The following VAV3 variants were observed in gnomAD, a reference collection of about 807,000 sequenced individuals.
VAV3 encodes the protein guanine nucleotide exchange factor VAV3.
Under a neutral mutation model 131.2 loss-of-function variants are expected in VAV3, and 94 were observed. The ratio of observed to expected loss-of-function variants is 0.72; its 90% CI spans 0.61 to 0.85. The LOEUF (loss-of-function observed/expected upper bound fraction) is 0.85. Ranked by LOEUF, VAV3 falls within the 40% of genes least tolerant of loss-of-function variation. The pLI is 0.00. For missense variants in VAV3, 939 were observed against 1,002.7 expected (o/e 0.94, Z 0.86); for synonymous variants, 349 against 342.0 (o/e 1.02, Z -0.22).
chr1:107,691,312 T>C lies in VAV3; in HGVS notation c.1706-2906A>G, dbSNP rs1312973118. Among the ~76,000 whole-genome samples, 6 of 152,194 alleles carry C rather than the reference T, an allele frequency of 3.9e-5. No homozygotes were observed. The South Asian group carries it at 1.2e-3, about 32-fold the overall frequency. ...AAACCTTTTTGTATGGAGTATTCTA[T>C]GGAAAAGTTGCTCTAAGTTTTGAAG... On this transcript the variant is annotated intron_variant, in intron 17 of 26. Coordinates refer to ENST00000370056, the MANE Select transcript of VAV3 (RefSeq NM_006113.5).
chr1:107,768,533 A>T, intron 6 of VAV3, 24 bp from the exon 7 acceptor site: 1 of 1,571,766 alleles, frequency 6.4e-7, no homozygotes, highest in Non-Finnish European at 8.7e-7. Context: ...AGAAGAAAAT[A>T]GTAATTAAGT....
At chr1:107,676,380 C>A (rs929633648) in intron 19 of VAV3, among the ~76,000 whole-genome samples, 3 of 152,188 alleles carry the variant, frequency 2.0e-5, no homozygotes, top group African/African-American at 7.2e-5. Flanking sequence ...TCTGAATTAA[C>A]CAGCTGTGGG....
chr1:107,623,341 TA>T (rs1320828907), intron 20 of VAV3, among the ~76,000 whole-genome samples: 2 of 152,208 alleles, frequency 1.3e-5, no homozygotes. Context: ...ATTTTATCTA[TA>T]ATATTGTTTC....
At chr1:107,820,448 G>A (rs945619011) in intron 2 of VAV3, among the ~76,000 whole-genome samples, 1 of 152,124 alleles carries the variant, frequency 6.6e-6, no homozygotes, top group South Asian at 2.1e-4. Flanking sequence ...GTAGAAGAAT[G>A]GTTACTGAGG....
At chr1:107,960,522 T>A (rs1344150198) in intron 1 of VAV3, among the ~76,000 whole-genome samples, 1 of 151,620 alleles carries the variant, frequency 6.6e-6, no homozygotes, top group Non-Finnish European at 1.5e-5. Context: ...CCTCTCCTCA[T>A]CCCTCTGTTG....
At chr1:107,809,088 C>T (rs1667198759) in intron 2 of VAV3, among the ~76,000 whole-genome samples, 1 of 152,188 alleles carries the variant, frequency 6.6e-6, no homozygotes, top group South Asian at 2.1e-4. Flanking sequence ...GCGTCTGCTC[C>T]TTAAGAAGTA....
chr1:107,764,369 T>A (rs962922552), intron 9 of VAV3, among the ~76,000 whole-genome samples: 2 of 152,200 alleles, frequency 1.3e-5, no homozygotes, highest in Non-Finnish European at 2.9e-5. Flanking sequence ...CTGAAGTGGG[T>A]AGATTCAGTC....
At chr1:107,770,605 T>G (rs1664986123) in intron 6 of VAV3, 31 bp downstream of exon 6, 1 of 1,346,520 alleles carries the variant, frequency 7.4e-7, no homozygotes, top group African/African-American at 1.4e-5. Flanking sequence ...AGGCAGTATT[T>G]GGGCATCAAA....
Position 107,653,370 on chromosome 1 carries a change from T to C in VAV3, c.1778-10615A>G, listed in dbSNP as rs193095448. On this transcript the variant is annotated intron_variant, in intron 19 of 26. Transcript: ENST00000370056. The stretch of plus-strand genomic sequence containing the variant: ...ATTCTTCCATAACAAACTTCTGAAA[T>C]AGAACAAGGGAAATGCAGAAGAGTA... Among the ~76,000 whole-genome samples, 4 of 152,020 alleles carry C rather than the reference T, an allele frequency of 2.6e-5. No individual in the cohort carries two copies. In the East Asian group the frequency reaches 7.8e-4, roughly 30 times the overall value.
At chr1:107,621,788 A>C (rs567868422) in intron 20 of VAV3, among the ~76,000 whole-genome samples, 1 of 152,230 alleles carries the variant, frequency 6.6e-6, no homozygotes, top group Non-Finnish European at 1.5e-5. Context: ...GAACATCTTC[A>C]AGGTCAACTT....
At chr1:107,641,478 C>T (rs974833691) in intron 20 of VAV3, among the ~76,000 whole-genome samples, 6 of 152,046 alleles carry the variant, frequency 3.9e-5, no homozygotes, top group Non-Finnish European at 8.8e-5. Flanking sequence ...ACATGAAATT[C>T]GAGAATTTAA....
At chr1:107,688,641 G>A in intron 17 of VAV3, 1 of 1,092,642 alleles carries the variant, frequency 9.2e-7, no homozygotes, top group East Asian at 3.0e-5. Context: ...TCTAGGTTAT[G>A]CTTAACTTTT....
chr1:107,911,345 C>T (rs10494085), intron 1 of VAV3, among the ~76,000 whole-genome samples: 4,287 of 152,158 alleles, frequency 0.028, 97 homozygotes, highest in East Asian at 0.1. Flanking sequence ...ATACAAGTAA[C>T]TTGCAGACAA....
intron 15 of VAV3, among the ~76,000 whole-genome samples, chr1:107,708,367 A>G (rs1402147864): frequency 1.3e-5 from 2 of 152,234 alleles, no homozygotes. Context: ...ATTCCATTTT[A>G]GTAATCTGCC....
intron 2 of VAV3, among the ~76,000 whole-genome samples, chr1:107,806,727 A>C (rs1207010390): frequency 6.6e-6 from 1 of 152,142 alleles, no homozygotes; most frequent in Non-Finnish European, 1.5e-5. Context: ...AAATGTTATA[A>C]TGTACAGTGC....
At chr1:107,933,421 T>G (rs1423513575) in intron 1 of VAV3, among the ~76,000 whole-genome samples, 1 of 152,136 alleles carries the variant, frequency 6.6e-6, no homozygotes, top group Non-Finnish European at 1.5e-5. Context: ...ATAAATGTCC[T>G]CAGAGTCCAT....
intron 7 of VAV3, among the ~76,000 whole-genome samples, chr1:107,768,192 A>G (rs1007320376): frequency 2.0e-5 from 3 of 152,214 alleles, no homozygotes; most frequent in African/African-American, 7.2e-5. Context: ...AGAGTTAAGA[A>G]TAACACATGA....
At chr1:107,763,652 A>C in intron 9 of VAV3, among the ~76,000 whole-genome samples, 1 of 152,186 alleles carries the variant, frequency 6.6e-6, no homozygotes, top group East Asian at 1.9e-4. Flanking sequence ...TTTAGGGGTG[A>C]CTCAAACTAC....
intron 1 of VAV3, among the ~76,000 whole-genome samples, chr1:107,911,178 G>A (rs879518192): frequency 1.4e-4 from 21 of 152,092 alleles, no homozygotes; most frequent in Non-Finnish European, 2.9e-4. Context: ...ATTACGAAAA[G>A]AGTATTTCCA....
Sources: gnomAD v4.1 joint callset for allele counts (sites outside exome capture counted in the v4.1 genomes callset) on GRCh38, gnomAD v4.1.1 for gene constraint, MANE v1.5 for transcripts, NCBI Gene and HGNC (gene_info 2026-07-23, HGNC 2026-07-21) for gene names.